The following NTAN1 variants were observed in gnomAD, a reference collection of about 807,000 sequenced individuals.
NTAN1 encodes protein N-terminal asparagine amidohydrolase.
A neutral mutation model predicts 41.9 loss-of-function variants in NTAN1; 32 were observed. That is an observed-to-expected ratio of 0.76 (90% CI 0.58 to 1.03). NTAN1 has a LOEUF of 1.03. NTAN1 is among the 50% of genes least tolerant of loss of function. The pLI, the probability that NTAN1 is intolerant of heterozygous loss-of-function variation, is 0.00. For missense variants in NTAN1, 377 were observed against 377.5 expected (o/e 1.00, Z 0.01); for synonymous variants, 140 against 139.5 (o/e 1.00, Z -0.03).
intron 7 of NTAN1, among the ~76,000 whole-genome samples, chr16:15,040,673 A>G (rs1016254053): frequency 1.3e-4 from 20 of 152,100 alleles, no homozygotes; most frequent in African/African-American, 4.8e-4. Context: ...AACCTTCCTC[A>G]GTTCCTGATG....
chr16:15,047,704 C>T, intron 3 of NTAN1, 151 bp downstream of exon 3: 1 of 889,214 alleles, frequency 1.1e-6, no homozygotes, highest in Non-Finnish European at 1.9e-6. Context: ...CCCATTCTGA[C>T]CAGGACACCA....
At chr16:15,054,941 A>C (rs1655750126) in intron 1 of NTAN1, among the ~76,000 whole-genome samples, 1 of 152,140 alleles carries the variant, frequency 6.6e-6, no homozygotes, top group Non-Finnish European at 1.5e-5. Context: ...TGTGCTTCCC[A>C]TCTCAGAGTG....
At chr16:15,041,721 G>C in intron 5 of NTAN1, 45 bp from the exon 6 acceptor site, 1 of 1,430,170 alleles carries the variant, frequency 7.0e-7, no homozygotes, top group Non-Finnish European at 9.9e-7. Flanking sequence ...AGTTCCTCTA[G>C]TTACCAGAAC....
At chr16:15,044,762 T>A (rs986152165) in intron 4 of NTAN1, 3 of 239,374 alleles carry the variant, frequency 1.3e-5, no homozygotes, top group Non-Finnish European at 2.4e-5. Flanking sequence ...GGTGGGCGGA[T>A]CACTTGAGGT....
At chr16:15,050,154 T>C (rs1341714356) in intron 1 of NTAN1, among the ~76,000 whole-genome samples, 1 of 152,228 alleles carries the variant, frequency 6.6e-6, no homozygotes, top group Admixed American at 6.5e-5. Context: ...TGAGTGTTTG[T>C]ACACACTTAT....
At chr16:15,043,623 G>A (rs1010881710) in intron 5 of NTAN1, among the ~76,000 whole-genome samples, 3 of 136,700 alleles carry the variant, frequency 2.2e-5, no homozygotes, top group Non-Finnish European at 3.2e-5. Context: ...GTCAACACAC[G>A]ACAATGTTTT....
chr16:15,053,381 TACAC>T (rs2151732728), intron 1 of NTAN1, among the ~76,000 whole-genome samples: 1 of 152,334 alleles, frequency 6.6e-6, no homozygotes, highest in East Asian at 1.9e-4. Flanking sequence ...TAGTCATAGC[TACAC>T]ACAGGCTTCT....
intron 7 of NTAN1, 190 bp from the exon 8 acceptor site, chr16:15,040,256 C>T (rs2043753349): frequency 4.6e-6 from 2 of 431,020 alleles, no homozygotes; most frequent in Non-Finnish European, 8.2e-6. Context: ...CGGTGAAAAT[C>T]GCTGAGGCTC....
chr16:15,042,718 C>CTATT (rs58123477), intron 5 of NTAN1, among the ~76,000 whole-genome samples: 16,544 of 147,020 alleles, frequency 0.11, 1,047 homozygotes, highest in East Asian at 0.22. Flanking sequence ...AAAGGATGAA[C>CTATT]TATTTATTTA....
intron 6 of NTAN1, among the ~76,000 whole-genome samples, chr16:15,041,412 T>G (rs9926473): frequency 0.9 from 136,067 of 151,950 alleles, 62,912 homozygotes; most frequent in East Asian, 1. Context: ...TCCTTCCTGG[T>G]AGACGAGGGG....
chr16:15,055,181 C>G (rs1487206566), intron 1 of NTAN1, among the ~76,000 whole-genome samples: 1 of 152,130 alleles, frequency 6.6e-6, no homozygotes, highest in Non-Finnish European at 1.5e-5. Flanking sequence ...CGCCGCCACG[C>G]CCCGCTCTTT....
chr16:15,041,229 GAA>G, intron 6 of NTAN1, 108 bp from the exon 7 acceptor site: 1 of 741,036 alleles, frequency 1.3e-6, no homozygotes, highest in East Asian at 2.6e-5. Context: ...AGAAAGGGAG[GAA>G]AATTCCAGAA....
intron 3 of NTAN1, 112 bp downstream of exon 3, chr16:15,047,743 G>C: frequency 9.9e-7 from 1 of 1,014,012 alleles, no homozygotes; most frequent in East Asian, 2.4e-5. Flanking sequence ...CAGAAAAAAG[G>C]TAAGCGGAGT....
At chr16:15,047,776 A>G in intron 3 of NTAN1, 79 bp downstream of exon 3, 1 of 1,231,458 alleles carries the variant, frequency 8.1e-7, no homozygotes, top group South Asian at 1.2e-5. Flanking sequence ...AGACACCAGG[A>G]AACTCAACAC....
chr16:15,041,404 C>T (rs927140408), intron 6 of NTAN1, among the ~76,000 whole-genome samples: 1 of 152,050 alleles, frequency 6.6e-6, no homozygotes, highest in Admixed American at 6.5e-5. Context: ...CAGTGCCCTC[C>T]TTCCTGGTAG....
intron 1 of NTAN1, among the ~76,000 whole-genome samples, chr16:15,050,467 T>G (rs1332230193): frequency 6.6e-6 from 1 of 152,156 alleles, no homozygotes; most frequent in Non-Finnish European, 1.5e-5. Context: ...GTGTGATGGC[T>G]CCCAACTGTA....
chr16:15,047,995 A>G lies in NTAN1; in HGVS notation c.184+2T>C. 6.2e-7 allele frequency: 1 copy of G among 1,608,830 alleles called. No individual in the cohort carries two copies. On this transcript the variant is annotated splice_donor_variant, in intron 2 of 9. Transcript: ENST00000287706. LOFTEE classifies it high-confidence loss of function. ...CGCCCAATTCACTGCTTCCTAACCT[A>G]CCATCCTTTGGGGAGGTCACTGCAA... is the stretch of plus-strand genomic sequence containing the variant.
In NTAN1 at chr16:15,041,604, G is replaced by A; in HGVS notation, c.487+19C>T. 1 of 1,593,334 alleles carries A rather than the reference G, an allele frequency of 6.3e-7. No homozygotes were observed. Among genetic ancestry groups the A allele is most frequent in the Non-Finnish European group, 8.6e-7 (1 of 1,161,056 alleles). The stretch of plus-strand genomic sequence containing the variant: ...CCTGAGACCCACATCTTTGCTTTGG[G>A]GCAAATGGCAGGACTTACCTGTCAC... On this transcript the variant is annotated intron_variant, in intron 6 of 9. Coordinates refer to ENST00000287706, the MANE Select transcript of NTAN1 (RefSeq NM_173474.4).
intron 6 of NTAN1, 111 bp from the exon 7 acceptor site, chr16:15,041,232 A>G: frequency 1.3e-6 from 1 of 742,392 alleles, no homozygotes; most frequent in Admixed American, 2.1e-5. Flanking sequence ...AAGGGAGGAA[A>G]ATTCCAGAAA....
Sources: allele counts gnomAD v4.1 joint callset (sites outside exome capture counted in the v4.1 genomes callset), GRCh38; gene constraint gnomAD v4.1.1; transcripts MANE v1.5; gene names NCBI Gene and HGNC (gene_info 2026-07-23, HGNC 2026-07-21).